WDR35: variants seen among roughly 807,000 people sequenced by gnomAD.
The protein encoded by WDR35 is WD repeat domain 35.
WDR35 carries 118 observed loss-of-function variants against 158.3 expected under a neutral mutation model. The ratio of observed to expected loss-of-function variants is 0.75; its 90% CI spans 0.64 to 0.87. The LOEUF (loss-of-function observed/expected upper bound fraction) is 0.87, where lower values mean the gene tolerates loss of function less well. WDR35 is among the 40% of genes least tolerant of loss of function. The pLI is 0.00. For synonymous variants in WDR35, 448 were observed against 476.1 expected, an observed-to-expected ratio of 0.94 and a Z score of 0.77; for missense variants, 1,263 against 1,405.8, an observed-to-expected ratio of 0.90 and a Z score of 1.62.
chr2:19,918,681 C>T (rs941197479), intron 25 of WDR35, among the ~76,000 whole-genome samples: 6 of 152,276 alleles, frequency 3.9e-5, no homozygotes, highest in African/African-American at 1.4e-4. Flanking sequence ...GGGATCAATG[C>T]AACAAGAAGA....
At chr2:19,980,666 A>G in intron 4 of WDR35, 25 bp downstream of exon 4, 5 of 1,596,364 alleles carry the variant, frequency 3.1e-6, no homozygotes, top group Non-Finnish European at 3.4e-6. Context: ...TGAAAAATTA[A>G]ATAATCTCTC....
chr2:19,955,505 G>A (rs545757779), intron 11 of WDR35, among the ~76,000 whole-genome samples: 3 of 152,028 alleles, frequency 2.0e-5, no homozygotes, highest in Middle Eastern at 6.8e-3. Flanking sequence ...TAAAGAAGTA[G>A]AACAATTTGC....
At position 19,934,411 on chromosome 2, in the gene WDR35, A is replaced by G. The variant is rs1362349517; in HGVS notation, c.2548-900T>C. ...TATGTATATGTTTGTGTTGTACACA[A>G]TCACACAATACACAATTTTGTATCC... On this transcript the variant is annotated intron_variant, in intron 21 of 26. Coordinates refer to ENST00000281405, the MANE Select transcript of WDR35 (RefSeq NM_020779.4). This position sits in a 1 kb window ranked among gnomAD's most constrained non-coding sequence, Gnocchi z 4.6. Among the ~76,000 whole-genome samples the G allele has an allele frequency of 6.6e-6, 1 of 152,112 alleles. No individual in the cohort carries two copies. Among genetic ancestry groups the G allele is most frequent in the Non-Finnish European group, 1.5e-5 (1 of 68,004 alleles).
intron 10 of WDR35, among the ~76,000 whole-genome samples, chr2:19,964,469 C>T (rs745409045): frequency 3.3e-5 from 5 of 150,238 alleles, no homozygotes; most frequent in Non-Finnish European, 5.9e-5. Flanking sequence ...CCGCAACCTC[C>T]GCGTCCTGGG....
chr2:19,962,450 A>C (rs1298395264), intron 10 of WDR35: 30 of 908,534 alleles, frequency 3.3e-5, no homozygotes, highest in Non-Finnish European at 1.6e-5. Context: ...AATATTAGGA[A>C]AATAATCAAA....
chr2:19,950,449 G>A (rs539677306), intron 13 of WDR35, among the ~76,000 whole-genome samples: 98 of 152,296 alleles, frequency 6.4e-4, no homozygotes, highest in African/African-American at 2.1e-3. Context: ...ACGAAAGGAG[G>A]AAGAGAGAAG....
intron 19 of WDR35, among the ~76,000 whole-genome samples, chr2:19,936,718 C>T (rs768455219): frequency 1.3e-5 from 2 of 152,176 alleles, no homozygotes; most frequent in Non-Finnish European, 2.9e-5. Flanking sequence ...TCACTTTCCA[C>T]CATGTAAAGG....
chr2:19,974,670 T>C, intron 6 of WDR35, 37 bp from the exon 7 acceptor site: 2 of 1,577,674 alleles, frequency 1.3e-6, no homozygotes, highest in Non-Finnish European at 1.7e-6. Context: ...TTTTACATTT[T>C]AAAACACAGC....
intron 10 of WDR35, among the ~76,000 whole-genome samples, chr2:19,965,026 C>T (rs1421315414): frequency 9.2e-5 from 14 of 152,172 alleles, no homozygotes; most frequent in Non-Finnish European, 2.1e-4. Flanking sequence ...CGGGTTCAAG[C>T]GACTGTCCTG....
chr2:19,925,976 C>T (rs1670342629), intron 25 of WDR35, among the ~76,000 whole-genome samples: 1 of 152,130 alleles, frequency 6.6e-6, no homozygotes, highest in South Asian at 2.1e-4. Context: ...ACAATGGCCA[C>T]TAAGTAAAGA....
chr2:19,963,671 G>A (rs1431524253), intron 10 of WDR35, among the ~76,000 whole-genome samples: 1 of 152,108 alleles, frequency 6.6e-6, no homozygotes, highest in African/African-American at 2.4e-5. Flanking sequence ...GGGAAGCTTG[G>A]AAGGGAAATT....
In WDR35 at chr2:19,934,167, CCCCAA is replaced by C. The variant is rs1443130836; in HGVS notation, c.2548-661_2548-657del. On this transcript the variant is annotated intron_variant, in intron 21 of 26. Coordinates refer to ENST00000281405, the MANE Select transcript of WDR35 (RefSeq NM_020779.4). This position sits in a 1 kb window ranked among gnomAD's most constrained non-coding sequence, Gnocchi z 4.6. ...ATCTAATTAGCCAGAGGTTTTCCCT[CCCCAA>C]CCCTTCTACAATATGTTTGGAAGTA... 6.6e-6 allele frequency among the ~76,000 whole-genome samples: 1 copy of C among 151,950 alleles called. No individual in the cohort carries two copies. Among genetic ancestry groups the C allele is most frequent in the Non-Finnish European group, 1.5e-5 (1 of 68,002 alleles).
rs952131127 is a variant in WDR35, at chr2:19,973,491, G to A, written c.882+72C>T. 1.1e-5 allele frequency: 17 copies of A among 1,596,486 alleles called. No homozygotes were observed. The East Asian group carries it at 3.6e-4, about 34-fold the overall frequency. On this transcript the variant is annotated intron_variant, in intron 8 of 26. Transcript: ENST00000281405. ...GTGATAAGTTTACACCGTTTCCTTT[G>A]TTATTTTTTCCTCTACCTTACTCAC...
At chr2:19,972,926 A>C (rs1049328407) in intron 8 of WDR35, among the ~76,000 whole-genome samples, 1 of 152,058 alleles carries the variant, frequency 6.6e-6, no homozygotes, top group Non-Finnish European at 1.5e-5. Context: ...AAAATTCACA[A>C]TATATTAATT....
At chr2:19,966,344 C>A (rs1225067023) in intron 10 of WDR35, among the ~76,000 whole-genome samples, 1 of 152,138 alleles carries the variant, frequency 6.6e-6, no homozygotes, top group Admixed American at 6.5e-5. Context: ...TCAAAAGCTA[C>A]CCAAACTGTC....
At chr2:19,989,854 C>T (rs748082251) in intron 1 of WDR35, 138 bp downstream of exon 1, 49 of 1,425,200 alleles carry the variant, frequency 3.4e-5, no homozygotes, top group Admixed American at 1.2e-4. Context: ...AGGCTGGACC[C>T]GGCGGGAAGG....
chr2:19,947,822 T>C (rs770998805), intron 14 of WDR35, among the ~76,000 whole-genome samples: 32 of 152,196 alleles, frequency 2.1e-4, no homozygotes, highest in Admixed American at 3.3e-4. Context: ...CGGCTGGTCA[T>C]CCCTGTACTG....
chr2:19,976,751 A>G (rs1351518002), intron 5 of WDR35, among the ~76,000 whole-genome samples: 2 of 147,060 alleles, frequency 1.4e-5, no homozygotes, highest in East Asian at 2.0e-4. Flanking sequence ...ATTAGCCCAT[A>G]TACTCCTTTA....
chr2:19,986,678 G>C (rs1334963928), intron 2 of WDR35, among the ~76,000 whole-genome samples: 1 of 151,934 alleles, frequency 6.6e-6, no homozygotes, highest in African/African-American at 2.4e-5. Context: ...TTGGCAGAAA[G>C]GTACCTGAGA....
Sources: allele counts gnomAD v4.1 joint callset (sites outside exome capture counted in the v4.1 genomes callset), GRCh38; gene constraint gnomAD v4.1.1; non-coding constraint Gnocchi (gnomAD v3.1); transcripts MANE v1.5; gene names NCBI Gene and HGNC (gene_info 2026-07-23, HGNC 2026-07-21).